KIAA1549: variants seen among roughly 807,000 people sequenced by gnomAD.
KIAA1549 encodes the protein UPF0606 protein KIAA1549.
Under a neutral mutation model 156.4 loss-of-function variants are expected in KIAA1549, and 70 were observed. That is an observed-to-expected ratio of 0.45 (90% confidence interval 0.37 to 0.55). The LOEUF is 0.55. Among genes scored for constraint, KIAA1549 ranks in the 20% least tolerant of loss-of-function variants. KIAA1549 has a pLI of 0.00. For missense variants in KIAA1549, 2,428 were observed against 2,540.9 expected (o/e 0.96, Z 0.96); for synonymous variants, 1,103 against 1,066.4 (o/e 1.03, Z -0.67).
intron 12 of KIAA1549, among the ~76,000 whole-genome samples, chr7:138,871,597 G>C (rs938550680): frequency 3.9e-5 from 6 of 152,184 alleles, no homozygotes; most frequent in Non-Finnish European, 5.9e-5. Flanking sequence ...AGAGACGTGA[G>C]GAAATCATTA....
chr7:138,921,623 T>A (rs1308728147), intron 1 of KIAA1549, among the ~76,000 whole-genome samples: 1 of 152,108 alleles, frequency 6.6e-6, no homozygotes, highest in African/African-American at 2.4e-5. Flanking sequence ...TCCCAGCACT[T>A]TGGAAGGCCG....
At chr7:138,939,542 C>T (rs1427206558) in intron 1 of KIAA1549, among the ~76,000 whole-genome samples, 2 of 152,168 alleles carry the variant, frequency 1.3e-5, no homozygotes, top group African/African-American at 4.8e-5. Flanking sequence ...ACGTGTTCTT[C>T]CCCCAAATTT....
intron 10 of KIAA1549, among the ~76,000 whole-genome samples, chr7:138,885,641 G>A (rs1811369279): frequency 6.6e-6 from 1 of 152,094 alleles, no homozygotes; most frequent in South Asian, 2.1e-4. Context: ...ACAGCTTCTT[G>A]GGCTCGTGCT....
At chr7:138,947,914 C>G (rs1813382488) in intron 1 of KIAA1549, among the ~76,000 whole-genome samples, 1 of 152,050 alleles carries the variant, frequency 6.6e-6, no homozygotes, top group South Asian at 2.1e-4. Flanking sequence ...AGGCATGCAC[C>G]ACGAAGCCAA....
chr7:138,950,012 A>T lies in KIAA1549; in HGVS notation c.188-30574T>A, dbSNP rs1461961245. Among the ~76,000 whole-genome samples the T allele has an allele frequency of 2.6e-5, 4 of 152,200 alleles. No homozygotes were observed. In the East Asian group the frequency reaches 7.7e-4, roughly 29 times the overall value. Reference sequence around the variant, plus strand: ...CTGCACAGGAACAAGTTATCCCAGCACCATGAGCTAACACTTCGTGGTCTC... The same window carrying T: ...CTGCACAGGAACAAGTTATCCCAGCTCCATGAGCTAACACTTCGTGGTCTC... On this transcript the variant is annotated intron_variant, in intron 1 of 19. Transcript: ENST00000422774.
rs377264956 is a variant in KIAA1549, at chr7:138,832,371, A to AT, written c.*5534dup. 1.4e-4 allele frequency: 27 copies of AT among 190,044 alleles called. No homozygotes were observed. The highest frequency in any genetic ancestry group is 4.9e-4 in the African/African-American group (21 of 42,774). 11.8% of individuals were successfully genotyped at this position (190,044 alleles called of 1,614,324 possible). ...GCCACCATGCTCAGCTAATTTTTAA[A>AT]TTTTTTTTGTAGAGACGGGGTCTCG... On this transcript the variant is annotated 3_prime_UTR_variant, in exon 20 of 20. Coordinates refer to ENST00000422774, the MANE Select transcript of KIAA1549 (RefSeq NM_001164665.2).
intron 1 of KIAA1549, among the ~76,000 whole-genome samples, chr7:138,931,442 T>A (rs1812867843): frequency 6.6e-6 from 1 of 152,198 alleles, no homozygotes; most frequent in Non-Finnish European, 1.5e-5. Context: ...TTTAATGGCA[T>A]CTTTGATGAA....
intron 1 of KIAA1549, among the ~76,000 whole-genome samples, chr7:138,968,908 CT>C (rs1333919654): frequency 6.8e-6 from 1 of 146,610 alleles, no homozygotes; most frequent in East Asian, 2.0e-4. Flanking sequence ...ATATTTTCTT[CT>C]TAATATTTTC....
chr7:138,981,264 C>A lies in KIAA1549; in HGVS notation c.6G>T (p.Pro2=). Residue 2 remains proline (P), a synonymous_variant, in exon 1 of 20, where the codon CCG becomes CCT. Transcript: ENST00000422774. This position sits in a 1 kb window ranked among gnomAD's most constrained non-coding sequence, Gnocchi z 4.5. M[P]GARRRRRGAA... ...CGCCTCGGCGTCGGCGCCGCGCCCC[C>A]GGCATTCCCGGCCGGCGCCCCGGCC... is the stretch of plus-strand genomic sequence containing the variant. 1 of 977,762 alleles carries A rather than the reference C, an allele frequency of 1.0e-6. No homozygotes were observed. The highest frequency in any genetic ancestry group is 4.6e-5 in the South Asian group (1 of 21,710). The allele number at this position is 977,762 out of a possible 1,614,324, so 60.6% of individuals were successfully genotyped here. A position where few individuals can be genotyped will look rare whatever the true frequency, so the allele number is the denominator to read the frequency against.
chr7:138,918,500 C>G lies in KIAA1549; in HGVS notation c.1126G>C (p.Asp376His). ...GGGAGAAAGGGGTTAGATGAAACAT[C>G]AGTTGGTGAAGCAGAGGACGCAAAT... ...LAFASSASPT[D>H]VSSNPFLPSD... The change falls in exon 2 of 20, where the codon GAT (aspartate) becomes CAT (histidine). Residue 376 changes from aspartate (D) to histidine (H), a missense_variant. This residue lies in a region of KIAA1549 where 893 missense variants were observed against 847.9 expected (regional missense o/e 1.05). Coordinates refer to ENST00000422774, the MANE Select transcript of KIAA1549 (RefSeq NM_001164665.2). The surrounding 1 kb of genome is among the most constrained non-coding windows in gnomAD (Gnocchi z 4.2). The G allele has an allele frequency of 6.2e-7, 1 of 1,613,966 alleles. No homozygotes were observed. Among genetic ancestry groups the G allele is most frequent in the Non-Finnish European group, 8.5e-7 (1 of 1,179,884 alleles).
chr7:138,881,741 C>G (rs1407506552), intron 10 of KIAA1549, among the ~76,000 whole-genome samples, 157 bp from the exon 11 acceptor site: 1 of 152,158 alleles, frequency 6.6e-6, no homozygotes, highest in Non-Finnish European at 1.5e-5. Flanking sequence ...CTGTTTATAC[C>G]CAGAGTTCCA....
chr7:138,866,626 G>C (rs1044124673), intron 15 of KIAA1549, among the ~76,000 whole-genome samples: 6 of 152,160 alleles, frequency 3.9e-5, no homozygotes, highest in African/African-American at 1.4e-4. Flanking sequence ...GCGGCACCTG[G>C]CTCGCCCTCT....
chr7:138,837,826 A>G lies in KIAA1549; in HGVS notation c.*80T>C. 2.7e-6 allele frequency: 4 copies of G among 1,501,972 alleles called. No homozygotes were observed. The highest frequency in any genetic ancestry group is 3.6e-6 in the Non-Finnish European group (4 of 1,115,906). 93.0% of individuals were successfully genotyped at this position (1,501,972 alleles called of 1,614,324 possible). On this transcript the variant is annotated 3_prime_UTR_variant, in exon 20 of 20. Coordinates refer to ENST00000422774, the MANE Select transcript of KIAA1549 (RefSeq NM_001164665.2). ...CCCGAGAGTTGCTCCTTCCTCTTCCAAACACCCACTCAGTTGATTTCCTTT... is the reference window on the plus strand; with the variant it reads ...CCCGAGAGTTGCTCCTTCCTCTTCCGAACACCCACTCAGTTGATTTCCTTT...
At chr7:138,902,279 C>T (rs1016906488) in intron 8 of KIAA1549, among the ~76,000 whole-genome samples, 1 of 152,080 alleles carries the variant, frequency 6.6e-6, no homozygotes, top group African/African-American at 2.4e-5. Context: ...TGATGCAGTT[C>T]TAGGCAACAC....
Position 138,833,092 on chromosome 7 carries a change from CA to C in KIAA1549, c.*4813del, listed in dbSNP as rs759512391. ...GACTTCCTCCTGCTCCTGTCCAGGG[CA>C]AATGTGGATAAGCAGGCTCTAGTAC... On this transcript the variant is annotated 3_prime_UTR_variant, in exon 20 of 20. Transcript: ENST00000422774. The C allele has an allele frequency of 7.3e-5, 17 of 232,166 alleles. No homozygotes were observed. Among genetic ancestry groups the C allele is most frequent in the South Asian group, 1.8e-4 (1 of 5,524 alleles). 14.4% of individuals were successfully genotyped at this position (232,166 alleles called of 1,614,324 possible). A position where few individuals can be genotyped will look rare whatever the true frequency, so the allele number is the denominator to read the frequency against.
At position 138,832,874 on chromosome 7, in the gene KIAA1549, T is replaced by G. The variant is rs1809580112; in HGVS notation, c.*5032A>C. ...CACGAATATCAAAAGAAACCCGAAA[T>G]GCACATCCTCCTTGTTCATTAGGTA... On this transcript the variant is annotated 3_prime_UTR_variant, in exon 20 of 20. Transcript: ENST00000422774. 1 of 228,860 alleles carries G rather than the reference T, an allele frequency of 4.4e-6. No homozygotes were observed. Among genetic ancestry groups the G allele is most frequent in the Admixed American group, 5.7e-5 (1 of 17,636 alleles). The allele number at this position is 228,860 out of a possible 1,614,324, so 14.2% of individuals were successfully genotyped here. A position where few individuals can be genotyped will look rare whatever the true frequency, so the allele number is the denominator to read the frequency against.
chr7:138,941,075 T>C (rs1220663774), intron 1 of KIAA1549, among the ~76,000 whole-genome samples: 2 of 151,922 alleles, frequency 1.3e-5, no homozygotes, highest in Non-Finnish European at 2.9e-5. Flanking sequence ...AAAAATTTTA[T>C]TAAAAAAAAT....
intron 1 of KIAA1549, among the ~76,000 whole-genome samples, chr7:138,965,446 C>A (rs1813991389): frequency 6.6e-6 from 1 of 152,192 alleles, no homozygotes; most frequent in Non-Finnish European, 1.5e-5. Flanking sequence ...CCACCTCAGC[C>A]TTCCACAGCG....
intron 1 of KIAA1549, among the ~76,000 whole-genome samples, chr7:138,972,057 G>A (rs1288534256): frequency 6.6e-6 from 1 of 152,112 alleles, no homozygotes; most frequent in Non-Finnish European, 1.5e-5. Flanking sequence ...ATGGGAGCTT[G>A]AATGAGGGCA....
Sources: allele counts gnomAD v4.1 joint callset (sites outside exome capture counted in the v4.1 genomes callset), GRCh38; gene constraint gnomAD v4.1.1; regional missense constraint gnomAD v4.1.1; non-coding constraint Gnocchi (gnomAD v3.1); transcripts MANE v1.5; gene names NCBI Gene and HGNC (gene_info 2026-07-23, HGNC 2026-07-21).